DLG2: variants seen among roughly 807,000 people sequenced by gnomAD.
DLG2 encodes disks large homolog 2.
DLG2 carries 45 observed loss-of-function variants against 132.5 expected under a neutral mutation model. The ratio of observed to expected loss-of-function variants is 0.34; its 90% CI spans 0.27 to 0.44. The LOEUF (loss-of-function observed/expected upper bound fraction) is 0.44, where lower values mean the gene tolerates loss of function less well. Among genes scored for constraint, DLG2 ranks in the 20% least tolerant of loss-of-function variants. The pLI, the probability that DLG2 is intolerant of heterozygous loss-of-function variation, is 1.00. For synonymous variants in DLG2, 424 were observed against 419.6 expected (o/e 1.01, Z -0.13); for missense variants, 1,045 against 1,196.9 (o/e 0.87, Z 1.87).
chr11:84,574,371 A>G (rs2099493782), intron 6 of DLG2, among the ~76,000 whole-genome samples: 1 of 152,148 alleles, frequency 6.6e-6, no homozygotes, highest in Non-Finnish European at 1.5e-5. Flanking sequence ...AGAAAAAAAA[A>G]AAAACCTCTT....
intron 6 of DLG2, among the ~76,000 whole-genome samples, chr11:84,697,407 G>A (rs1193323604): frequency 4.6e-5 from 7 of 151,416 alleles, no homozygotes; most frequent in Admixed American, 4.0e-4. Context: ...GGTGAACTTG[G>A]TTTTAATCAA....
chr11:83,833,977 C>T (rs1321397863), intron 16 of DLG2, among the ~76,000 whole-genome samples: 3 of 152,146 alleles, frequency 2.0e-5, no homozygotes, highest in Non-Finnish European at 4.4e-5. Context: ...AAATACCATG[C>T]AAAAAATCAT....
At chr11:84,565,762 T>C (rs929490191) in intron 6 of DLG2, among the ~76,000 whole-genome samples, 10 of 152,122 alleles carry the variant, frequency 6.6e-5, no homozygotes, top group Non-Finnish European at 8.8e-5. Context: ...TATTTAGTTG[T>C]ATTCACGTGA....
intron 6 of DLG2, among the ~76,000 whole-genome samples, chr11:85,016,604 G>A (rs2059597318): frequency 6.6e-6 from 1 of 152,078 alleles, no homozygotes; most frequent in African/African-American, 2.4e-5. Flanking sequence ...GAAGCTCTGT[G>A]GGAAAGGAAC....
chr11:85,615,802 G>A (rs2081293517), intron 2 of DLG2, among the ~76,000 whole-genome samples: 1 of 151,852 alleles, frequency 6.6e-6, no homozygotes, highest in African/African-American at 2.4e-5. Flanking sequence ...GTGATCAAAT[G>A]CATCATTGCC....
At chr11:84,403,840 A>C (rs951357707) in intron 7 of DLG2, among the ~76,000 whole-genome samples, 2 of 152,174 alleles carry the variant, frequency 1.3e-5, no homozygotes, top group Non-Finnish European at 2.9e-5. Flanking sequence ...TTCTGTTGAA[A>C]ATAACCTTGA....
rs181519306 is a variant in DLG2, at chr11:85,070,943, A to G, written c.357+40718T>C. Among the ~76,000 whole-genome samples, 90 of 152,016 alleles carry G rather than the reference A, an allele frequency of 5.9e-4. 1 individual carries two copies. The highest frequency in any genetic ancestry group is 2.0e-3 in the African/African-American group (84 of 41,538). On this transcript the variant is annotated intron_variant, in intron 6 of 27. Coordinates refer to ENST00000376104, the MANE Select transcript of DLG2 (RefSeq NM_001142699.3). ...ACCAGGTTGGAGAGGAGTACAAAAT[A>G]GCAGTGAAGAGCTTGGACACTGGAG...
intron 7 of DLG2, among the ~76,000 whole-genome samples, chr11:84,253,259 C>A (rs2097415633): frequency 6.6e-6 from 1 of 152,014 alleles, no homozygotes; most frequent in Non-Finnish European, 1.5e-5. Context: ...GGTTTAGCAA[C>A]TTTCTGATTG....
At chr11:84,677,287 C>A (rs2099715307) in intron 6 of DLG2, among the ~76,000 whole-genome samples, 1 of 152,038 alleles carries the variant, frequency 6.6e-6, no homozygotes, top group Non-Finnish European at 1.5e-5. Context: ...ATTCCAGTAG[C>A]TTCACTTATA....
chr11:84,269,420 G>A (rs775393375), intron 7 of DLG2, among the ~76,000 whole-genome samples: 5 of 152,258 alleles, frequency 3.3e-5, no homozygotes, highest in South Asian at 4.1e-4. Flanking sequence ...ATTACTGAGC[G>A]TCAAAATTCT....
At chr11:84,100,849 T>C (rs2092459287) in intron 9 of DLG2, among the ~76,000 whole-genome samples, 1 of 152,126 alleles carries the variant, frequency 6.6e-6, no homozygotes, top group African/African-American at 2.4e-5. Context: ...TTAGCAATTC[T>C]TATTGACTAA....
rs1345745203 is a variant in DLG2 at position 83,456,724 on chromosome 11, AAGT to A, written c.*3091_*3093del. ...AGAGTAAGGAAAAGAATGAGAAAAA[AAGT>A]AGAGTCTCGAGCCAGAGGTTGGAGA... On this transcript the variant is annotated 3_prime_UTR_variant, in exon 28 of 28. Transcript: ENST00000376104. 6.6e-6 allele frequency: 1 copy of A among 152,088 alleles called. No individual in the cohort carries two copies. Among genetic ancestry groups the A allele is most frequent in the East Asian group, 1.9e-4 (1 of 5,190 alleles). The allele number at this position is 152,088 out of a possible 1,614,324, so 9.4% of individuals were successfully genotyped here.
chr11:83,874,246 G>GGAAAGGAAGGAAGGAGAGAGGGAA (rs1555101664), intron 16 of DLG2, among the ~76,000 whole-genome samples, 174 bp downstream of exon 16: 1 of 143,972 alleles, frequency 6.9e-6, no homozygotes, highest in Non-Finnish European at 1.5e-5. Context: ...AAAGAAAGAA[G>GGAAAGGAAGGAAGGAGAGAGGGAA]GGAAGGAAGG....
chr11:85,239,692 G>T (rs534164861), intron 4 of DLG2, among the ~76,000 whole-genome samples: 3 of 151,836 alleles, frequency 2.0e-5, no homozygotes, highest in Non-Finnish European at 4.4e-5. Flanking sequence ...TTTTCCCTCA[G>T]TATTACATTG....
chr11:84,208,312 C>T (rs2096703798), intron 8 of DLG2, among the ~76,000 whole-genome samples: 1 of 151,188 alleles, frequency 6.6e-6, no homozygotes, highest in Non-Finnish European at 1.5e-5. Context: ...TTCTGTGGGC[C>T]ATGGTCACTC....
chr11:83,669,205 C>G (rs1451345357), intron 18 of DLG2, among the ~76,000 whole-genome samples: 7 of 151,796 alleles, frequency 4.6e-5, no homozygotes, highest in Non-Finnish European at 7.4e-5. Context: ...CATGAACCCC[C>G]TCTCCCTACT....
intron 7 of DLG2, among the ~76,000 whole-genome samples, chr11:84,493,889 AT>A (rs1362768023): frequency 1.3e-5 from 2 of 152,246 alleles, no homozygotes; most frequent in East Asian, 1.9e-4. Context: ...TGAAAGGTTC[AT>A]TTTTGCTGAG....
At chr11:83,630,664 C>T (rs1358887053) in intron 19 of DLG2, among the ~76,000 whole-genome samples, 2 of 152,090 alleles carry the variant, frequency 1.3e-5, no homozygotes, top group South Asian at 2.1e-4. Context: ...CAACAGCTGA[C>T]ACCACATAAA....
intron 11 of DLG2, among the ~76,000 whole-genome samples, chr11:84,004,512 C>G (rs934189579): frequency 2.6e-5 from 4 of 151,950 alleles, no homozygotes; most frequent in African/African-American, 4.8e-5. Flanking sequence ...AAGTTTCTCT[C>G]TAATAACTGG....
Sources: allele counts gnomAD v4.1 joint callset (sites outside exome capture counted in the v4.1 genomes callset), GRCh38; gene constraint gnomAD v4.1.1; transcripts MANE v1.5; gene names NCBI Gene and HGNC (gene_info 2026-07-23, HGNC 2026-07-21).